USPL1: variants seen among roughly 807,000 people sequenced by gnomAD.
USPL1 encodes SUMO-specific isopeptidase USPL1.
USPL1 carries 27 observed loss-of-function variants against 51.5 expected under a neutral mutation model. The ratio of observed to expected loss-of-function variants is 0.52; its 90% CI spans 0.39 to 0.72. The LOEUF is 0.72. Ranked by LOEUF, USPL1 falls within the 30% of genes least tolerant of loss-of-function variation. The pLI is 0.00. For synonymous variants in USPL1, 451 were observed against 459.6 expected (o/e 0.98, Z 0.24); for missense variants, 1,226 against 1,268.0 (o/e 0.97, Z 0.50).
At chr13:30,649,352 A>G (rs916706233) in intron 7 of USPL1, among the ~76,000 whole-genome samples, 4 of 152,210 alleles carry the variant, frequency 2.6e-5, no homozygotes, top group Non-Finnish European at 5.9e-5. Flanking sequence ...AATAAATTTA[A>G]TATAGTTTTT....
chr13:30,622,084 C>G (rs928457617), intron 3 of USPL1, among the ~76,000 whole-genome samples, 192 bp downstream of exon 3: 2 of 151,674 alleles, frequency 1.3e-5, no homozygotes, highest in Non-Finnish European at 2.9e-5. Flanking sequence ...TAAAGATGTT[C>G]GTTTTTATTG....
rs779538024 is a variant in USPL1 at position 30,657,698 on chromosome 13, T to A, written c.1621T>A (p.Ser541Thr). The A allele has an allele frequency of 2.5e-6, 4 of 1,614,066 alleles. No homozygotes were observed. Among genetic ancestry groups the A allele is most frequent in the South Asian group, 1.1e-5 (1 of 91,084 alleles). The change falls in exon 9 of 9, where the codon TCA becomes ACA. Residue 541 changes from serine (S) to threonine (T), a missense_variant. Transcript: ENST00000255304. ...LTSCSVGDAA[S>T]AETASVTHPK... ...ATCGTGTTCTGTGGGTGATGCTGCC[T>A]CAGCTGAAACAGCCTCAGTAACTCA...
chr13:30,643,879 G>C (rs1950982554), intron 6 of USPL1, among the ~76,000 whole-genome samples: 1 of 151,516 alleles, frequency 6.6e-6, no homozygotes, highest in Non-Finnish European at 1.5e-5. Context: ...CACAGTGCTG[G>C]GATTACAGGT....
Position 30,657,557 on chromosome 13 carries a change from A to G in USPL1, c.1480A>G (p.Ile494Val), listed in dbSNP as rs756864678. The G allele has an allele frequency of 5.0e-6, 8 of 1,614,152 alleles. No homozygotes were observed. In the South Asian group the frequency reaches 7.7e-5, roughly 16 times the overall value. ...TGAAGTTCCTGCTTCAGAGATACAT[A>G]TTGTTATTTGGGAAAGAAAAATATC... ...KFEVPASEIH[I>V]VIWERKISQV... Residue 494 changes from isoleucine to valine, a missense_variant, in exon 9 of 9, where the codon ATT becomes GTT. Ile to Val is a conservative substitution (Grantham distance 29, BLOSUM62 3). Transcript: ENST00000255304.
intron 8 of USPL1, 82 bp downstream of exon 8, chr13:30,653,387 T>C: frequency 2.1e-6 from 3 of 1,401,146 alleles, no homozygotes; most frequent in Non-Finnish European, 2.9e-6. Context: ...GTTTTTGTTT[T>C]ATAAAAAAAG....
intron 1 of USPL1, among the ~76,000 whole-genome samples, chr13:30,618,958 AG>A (rs1368062758): frequency 6.6e-6 from 1 of 152,198 alleles, no homozygotes; most frequent in Non-Finnish European, 1.5e-5. Context: ...GTGATATGGA[AG>A]GGAAAGAGGT....
chr13:30,632,571 G>A (rs1251424534), intron 4 of USPL1, among the ~76,000 whole-genome samples: 2 of 151,724 alleles, frequency 1.3e-5, no homozygotes, highest in Non-Finnish European at 2.9e-5. Context: ...CCACCACCAG[G>A]CCCAGCTAAT....
chr13:30,644,108 C>T (rs1262162514), intron 6 of USPL1, among the ~76,000 whole-genome samples: 5 of 151,674 alleles, frequency 3.3e-5, no homozygotes, highest in Non-Finnish European at 5.9e-5. Context: ...CATGGTGAAA[C>T]GCTGTCTCTA....
chr13:30,621,368 A>G (rs1950645355), intron 2 of USPL1, 129 bp downstream of exon 2: 2 of 643,500 alleles, frequency 3.1e-6, no homozygotes, highest in South Asian at 2.2e-5. Flanking sequence ...TCTTACAGTA[A>G]TGGCGAAAGA....
rs2137731124 is a variant in USPL1, at chr13:30,658,071, C to G, written c.1994C>G (p.Ser665Ter). 1 of 1,613,326 alleles carries G rather than the reference C, an allele frequency of 6.2e-7. No homozygotes were observed. The highest frequency in any genetic ancestry group is 1.7e-4 in the Middle Eastern group (1 of 6,060). The change falls in exon 9 of 9, where the codon TCA (serine) becomes TGA (stop). Residue 665 changes from serine (S) to a stop codon, truncating the protein, a stop_gained. Transcript: ENST00000255304. LOFTEE classifies it low-confidence loss of function (END_TRUNC). Reference protein sequence around the residue: ...PSQVVNTNMQSVQLNTEDTVN... With the variant: ...PSQVVNTNMQ ...CAAGTTGTAAATACAAACATGCAGTCAGTACAGCTGAATACAGAAGATACT... is the reference window on the plus strand; with the variant it reads ...CAAGTTGTAAATACAAACATGCAGTGAGTACAGCTGAATACAGAAGATACT...
intron 3 of USPL1, among the ~76,000 whole-genome samples, chr13:30,623,547 G>A (rs1229944048): frequency 6.6e-6 from 1 of 152,154 alleles, no homozygotes; most frequent in African/African-American, 2.4e-5. Flanking sequence ...TATGGTTTCC[G>A]TTACAGAGCT....
At chr13:30,640,460 C>T (rs951276665) in intron 5 of USPL1, among the ~76,000 whole-genome samples, 124 of 152,052 alleles carry the variant, frequency 8.2e-4, no homozygotes, top group Non-Finnish European at 1.4e-3. Flanking sequence ...GAGGCCGAGG[C>T]GGGTGGATCA....
intron 3 of USPL1, among the ~76,000 whole-genome samples, chr13:30,622,826 T>G (rs1035499183): frequency 1.3e-5 from 2 of 152,192 alleles, no homozygotes; most frequent in Admixed American, 6.5e-5. Flanking sequence ...TAGATACTTA[T>G]GCTGGGTATA....
intron 1 of USPL1, among the ~76,000 whole-genome samples, chr13:30,620,207 A>G (rs1950629670): frequency 6.6e-6 from 1 of 152,228 alleles, no homozygotes; most frequent in Non-Finnish European, 1.5e-5. Flanking sequence ...GATTCCCAGG[A>G]GATGGGTGTC....
intron 5 of USPL1, among the ~76,000 whole-genome samples, chr13:30,641,748 G>C (rs1950950305): frequency 6.6e-6 from 1 of 152,212 alleles, no homozygotes; most frequent in African/African-American, 2.4e-5. Flanking sequence ...GGTAGATGAA[G>C]AGTCCAAAGA....
Position 30,658,774 on chromosome 13 carries a change from AAAG to A in USPL1, c.2703_2705del (p.Lys902del), listed in dbSNP as rs755622332. ...AACTTCGTAAAAAGCTAAAGGCAGA[AAAG>A]AAGAAATTAGCTGCTCTTATGTCTT... On this transcript the variant is annotated inframe_deletion, in exon 9 of 9. Coordinates refer to ENST00000255304, the MANE Select transcript of USPL1 (RefSeq NM_005800.5). The A allele has an allele frequency of 5.0e-6, 8 of 1,614,196 alleles. 1 individual carries two copies. The South Asian group carries it at 7.7e-5, about 16-fold the overall frequency.
chr13:30,653,289 G>A lies in USPL1; in HGVS notation c.1380G>A (p.Trp460Ter). The stretch of plus-strand genomic sequence containing the variant: ...GAGCAAATAATCATTTTATAACATG[G>A]ATTTTAGATGCTGATGGTAAGTGTT... ...QYRANNHFIT[W>*]ILDADGSWLE... The change falls in exon 8 of 9, where the codon TGG becomes TGA. Residue 460 changes from tryptophan (W) to a stop codon, truncating the protein, a stop_gained. Transcript: ENST00000255304. LOFTEE classifies it low-confidence loss of function (END_TRUNC). 1.2e-6 allele frequency: 2 copies of A among 1,600,250 alleles called. No individual in the cohort carries two copies. Among genetic ancestry groups the A allele is most frequent in the Non-Finnish European group, 8.5e-7 (1 of 1,170,444 alleles).
chr13:30,618,446 C>T (rs936531604), intron 1 of USPL1, among the ~76,000 whole-genome samples: 1 of 151,710 alleles, frequency 6.6e-6, no homozygotes, highest in Non-Finnish European at 1.5e-5. Context: ...TCCTCGGCTT[C>T]CAGGTCGGTT....
In USPL1 at chr13:30,637,833, C is replaced by G; in HGVS notation, c.958C>G (p.Gln320Glu). The change falls in exon 5 of 9, where the codon CAG becomes GAG. Residue 320 changes from glutamine (Q) to glutamate (E), a missense_variant. Coordinates refer to ENST00000255304, the MANE Select transcript of USPL1 (RefSeq NM_005800.5). ...EVRDEIFISL[Q>E]PQLRCTLGDM... ...TAGAGATGAAATTTTTATTAGCCTT[C>G]AGCCCCAGCTTAGATGCACATTAGG... is the stretch of plus-strand genomic sequence containing the variant. The G allele has an allele frequency of 6.2e-7, 1 of 1,613,612 alleles. No individual in the cohort carries two copies. The highest frequency in any genetic ancestry group is 8.5e-7 in the Non-Finnish European group (1 of 1,179,738).
Sources: allele counts gnomAD v4.1 joint callset (sites outside exome capture counted in the v4.1 genomes callset), GRCh38; gene constraint gnomAD v4.1.1; transcripts MANE v1.5; gene names NCBI Gene and HGNC (gene_info 2026-07-23, HGNC 2026-07-21).